The following PRR5L variants were observed in gnomAD, a reference collection of about 807,000 sequenced individuals.
PRR5L encodes proline rich 5 like, also known as proline-rich protein 5-like.
PRR5L carries 21 observed loss-of-function variants against 36.4 expected under a neutral mutation model. The observed-to-expected ratio is 0.58, with a 90% CI of 0.41 to 0.83. The LOEUF (loss-of-function observed/expected upper bound fraction) is 0.83. Among genes scored for constraint, PRR5L ranks in the 40% least tolerant of loss-of-function variants. PRR5L has a pLI of 0.00. For missense variants in PRR5L, 381 were observed against 473.3 expected, an observed-to-expected ratio of 0.80 and a Z score of 1.81; for synonymous variants, 188 against 197.0, an observed-to-expected ratio of 0.95 and a Z score of 0.38.
chr11:36,390,968 G>A (rs1440743277), intron 1 of PRR5L, among the ~76,000 whole-genome samples: 3 of 152,188 alleles, frequency 2.0e-5, no homozygotes, highest in African/African-American at 7.2e-5. Flanking sequence ...AGGACATTGG[G>A]TCATTCCTGT....
At chr11:36,454,514 G>T (rs1046199906) in intron 8 of PRR5L, among the ~76,000 whole-genome samples, 1 of 151,946 alleles carries the variant, frequency 6.6e-6, no homozygotes, top group African/African-American at 2.4e-5. Flanking sequence ...CTTTGCCGTG[G>T]CTCACTTGGG....
intron 8 of PRR5L, among the ~76,000 whole-genome samples, chr11:36,459,202 A>G (rs1360354695): frequency 6.6e-6 from 1 of 152,142 alleles, no homozygotes; most frequent in Non-Finnish European, 1.5e-5. Context: ...TCGTGACATG[A>G]TACCAGGCCT....
intron 1 of PRR5L, among the ~76,000 whole-genome samples, chr11:36,356,818 T>C (rs146143494): frequency 6.6e-6 from 1 of 152,280 alleles, no homozygotes; most frequent in East Asian, 1.9e-4. Context: ...GGGGCCTTGG[T>C]ATTTCCTGAG....
At chr11:36,418,288 A>G (rs947465092) in intron 3 of PRR5L, among the ~76,000 whole-genome samples, 2 of 152,138 alleles carry the variant, frequency 1.3e-5, no homozygotes, top group African/African-American at 4.8e-5. Context: ...GCCTCAGTCC[A>G]TTGGGCATGG....
In PRR5L at chr11:36,446,447, C is replaced by G; in HGVS notation, c.585+7C>G. ...GATGTTGCTCATCCTGCAGGTGAGG[C>G]TGTGCTGGAGACTTGCCCCAAGGCA... is the stretch of plus-strand genomic sequence containing the variant. On this transcript the variant is annotated splice_region_variant and intron_variant, in intron 7 of 8. Coordinates refer to ENST00000530639, the MANE Select transcript of PRR5L (RefSeq NM_001160167.2). 1 of 1,613,848 alleles carries G rather than the reference C, an allele frequency of 6.2e-7. No homozygotes were observed. The highest frequency in any genetic ancestry group is 8.5e-7 in the Non-Finnish European group (1 of 1,179,860).
Position 36,456,215 on chromosome 11 carries a change from C to T in PRR5L, c.712+4880C>T, listed in dbSNP as rs534779014. 3.9e-5 allele frequency among the ~76,000 whole-genome samples: 6 copies of T among 152,240 alleles called. No individual in the cohort carries two copies. The South Asian group carries it at 6.2e-4, about 16-fold the overall frequency. On this transcript the variant is annotated intron_variant, in intron 8 of 8. Transcript: ENST00000530639. ...GTAGAGCTGCCTGCTATGTTATGGACGCCCAGCTAAAGGTGGCCTGGCGTC... is the reference window on the plus strand; with the variant it reads ...GTAGAGCTGCCTGCTATGTTATGGATGCCCAGCTAAAGGTGGCCTGGCGTC...
intron 1 of PRR5L, among the ~76,000 whole-genome samples, chr11:36,400,000 G>A (rs1273346395): frequency 1.3e-5 from 2 of 152,234 alleles, no homozygotes; most frequent in Non-Finnish European, 2.9e-5. Flanking sequence ...CAACTTGGGA[G>A]TGGCCAAGTT....
At chr11:36,384,820 G>A (rs61421475) in intron 1 of PRR5L, among the ~76,000 whole-genome samples, 5,421 of 149,110 alleles carry the variant, frequency 0.036, 352 homozygotes, top group African/African-American at 0.13. Context: ...CTACAGGCAT[G>A]TACCACCATG....
Position 36,366,507 on chromosome 11 carries a change from T to C in PRR5L, c.-125-34490T>C, listed in dbSNP as rs201047745. On this transcript the variant is annotated intron_variant, in intron 1 of 8. Transcript: ENST00000530639. The stretch of plus-strand genomic sequence containing the variant: ...AATTCTATTTTGCAAAGGAAGATTT[T>C]GAGTAAAATGAAAAACAAATACATT... 1.3e-4 allele frequency among the ~76,000 whole-genome samples: 20 copies of C among 152,278 alleles called. No homozygotes were observed. The East Asian group carries it at 3.5e-3, about 26-fold the overall frequency.
chr11:36,391,361 G>A (rs12418784), intron 1 of PRR5L, among the ~76,000 whole-genome samples: 5,717 of 152,242 alleles, frequency 0.038, 146 homozygotes, highest in East Asian at 0.1. Flanking sequence ...ATGCCCTGGC[G>A]TGGCAGCTGT....
At chr11:36,358,169 A>C (rs1857048529) in intron 1 of PRR5L, among the ~76,000 whole-genome samples, 2 of 152,248 alleles carry the variant, frequency 1.3e-5, no homozygotes, top group Non-Finnish European at 2.9e-5. Flanking sequence ...ACATAAATTT[A>C]GTTGATAAAG....
chr11:36,403,417 A>G (rs12279091), intron 3 of PRR5L, 39 bp downstream of exon 3: 50,411 of 1,555,244 alleles, frequency 0.032, 1,089 homozygotes, highest in African/African-American at 0.09. Context: ...TTTCCCCTAT[A>G]AACCTGAGCA....
intron 5 of PRR5L, among the ~76,000 whole-genome samples, chr11:36,434,303 T>A (rs1319811330): frequency 6.6e-6 from 1 of 152,186 alleles, no homozygotes; most frequent in Non-Finnish European, 1.5e-5. Context: ...CAACCAGGCA[T>A]CTCTACTTTT....
At chr11:36,328,823 G>A (rs531833058) in intron 1 of PRR5L, among the ~76,000 whole-genome samples, 1 of 152,324 alleles carries the variant, frequency 6.6e-6, no homozygotes, top group South Asian at 2.1e-4. Flanking sequence ...ACTCTTTATA[G>A]TGGTATATTC....
intron 3 of PRR5L, among the ~76,000 whole-genome samples, chr11:36,404,733 T>C (rs1322030449): frequency 6.6e-6 from 1 of 152,230 alleles, no homozygotes; most frequent in African/African-American, 2.4e-5. Flanking sequence ...TTGAGGTGTT[T>C]TAAGAGCTCT....
At chr11:36,370,002 T>C (rs1005116096) in intron 1 of PRR5L, among the ~76,000 whole-genome samples, 4 of 152,214 alleles carry the variant, frequency 2.6e-5, no homozygotes, top group African/African-American at 9.7e-5. Context: ...AAAGGCCTTC[T>C]AGGAAATGAA....
chr11:36,430,021 G>A (rs964174184), intron 4 of PRR5L, among the ~76,000 whole-genome samples: 1 of 152,102 alleles, frequency 6.6e-6, no homozygotes, highest in Admixed American at 6.5e-5. Context: ...ACAATTCTTT[G>A]TGAAGGAATT....
intron 1 of PRR5L, among the ~76,000 whole-genome samples, chr11:36,353,361 T>C (rs1010116144): frequency 6.6e-6 from 1 of 152,120 alleles, no homozygotes; most frequent in Non-Finnish European, 1.5e-5. Context: ...AACCAGAAAA[T>C]TGAAAAGGGT....
At chr11:36,321,713 A>G (rs534362576) in intron 1 of PRR5L, 2 of 152,366 alleles carry the variant, frequency 1.3e-5, no homozygotes, top group Admixed American at 1.3e-4. Context: ...TGGGGCTGCC[A>G]CAACAAAGGA....
Sources: gnomAD v4.1 joint callset for allele counts (sites outside exome capture counted in the v4.1 genomes callset) on GRCh38, gnomAD v4.1.1 for gene constraint, MANE v1.5 for transcripts, NCBI Gene and HGNC (gene_info 2026-07-23, HGNC 2026-07-21) for gene names.